The following SORCS1 variants were observed in gnomAD, a reference collection of about 807,000 sequenced individuals.
SORCS1 encodes sortilin related VPS10 domain containing receptor 1.
SORCS1 carries 60 observed loss-of-function variants against 146.1 expected under a neutral mutation model. That is an observed-to-expected ratio of 0.41 (90% CI 0.33 to 0.51). The LOEUF (loss-of-function observed/expected upper bound fraction) is 0.51, where lower values mean the gene tolerates loss of function less well. SORCS1 is among the 20% of genes least tolerant of loss of function. The probability of loss-of-function intolerance (pLI) is 0.21; values close to 1 mark genes in which losing one functional copy is unlikely to be tolerated. For synonymous variants in SORCS1, 637 were observed against 584.0 expected, an observed-to-expected ratio of 1.09 and a Z score of -1.31; for missense variants, 1,352 against 1,487.6, an observed-to-expected ratio of 0.91 and a Z score of 1.50.
At chr10:106,694,743 C>G (rs1564866962) in intron 9 of SORCS1, among the ~76,000 whole-genome samples, 1 of 152,170 alleles carries the variant, frequency 6.6e-6, no homozygotes, top group Admixed American at 6.5e-5. Context: ...TGTAACAGAA[C>G]ATGCCCTGGT....
At chr10:107,053,743 T>A (rs1960346968) in intron 1 of SORCS1, among the ~76,000 whole-genome samples, 1 of 152,188 alleles carries the variant, frequency 6.6e-6, no homozygotes. Flanking sequence ...AATAAGCAGA[T>A]GCCCTGGTGT....
Position 106,875,948 on chromosome 10 carries a change from T to C in SORCS1, c.627-46275A>G, listed in dbSNP as rs962550522. ...AGGAGTCATTTCTGGGCTTTATTTT[T>C]TCAGTTAGGAGTATAGGCTATGATC... On this transcript the variant is annotated intron_variant, in intron 2 of 25. Transcript: ENST00000263054. Among the ~76,000 whole-genome samples, 5 of 152,298 alleles carry C rather than the reference T, an allele frequency of 3.3e-5. No homozygotes were observed. The East Asian group carries it at 9.6e-4, about 29-fold the overall frequency.
rs111527406 is a variant in SORCS1, at chr10:106,992,917, T to C, written c.559-36337A>G. On this transcript the variant is annotated intron_variant, in intron 1 of 25. Coordinates refer to ENST00000263054, the MANE Select transcript of SORCS1 (RefSeq NM_052918.5). ...CGCGATCTAGGCTCACTGCAACCTC[T>C]GCCTCCCTGGTTCAAGCAACTCTCC... 2.1e-5 allele frequency among the ~76,000 whole-genome samples: 3 copies of C among 142,058 alleles called. No individual in the cohort carries two copies. The Admixed American group carries it at 2.2e-4, about 10-fold the overall frequency. 93.2% of individuals were successfully genotyped at this position (142,058 alleles called of 152,430 possible).
chr10:107,002,375 C>T (rs1957257686), intron 1 of SORCS1, among the ~76,000 whole-genome samples: 1 of 152,168 alleles, frequency 6.6e-6, no homozygotes, highest in Non-Finnish European at 1.5e-5. Context: ...CCTTTAATTA[C>T]TGTGTCAGAC....
chr10:107,075,470 G>A (rs1056646823), intron 1 of SORCS1, among the ~76,000 whole-genome samples: 1 of 152,132 alleles, frequency 6.6e-6, no homozygotes, highest in Non-Finnish European at 1.5e-5. Context: ...TCTAGGCACA[G>A]AAGATGGCAG....
In SORCS1 at chr10:106,983,183, T is replaced by C. The variant is rs562506045; in HGVS notation, c.559-26603A>G. Among the ~76,000 whole-genome samples the C allele has an allele frequency of 7.4e-3, 1,051 of 141,888 alleles. 12 individuals are homozygous for C. Among genetic ancestry groups the C allele is most frequent in the African/African-American group, 0.027 (947 of 35,330 alleles). The allele number at this position is 141,888 out of a possible 152,430, so 93.1% of individuals were successfully genotyped here. A position where few individuals can be genotyped will look rare whatever the true frequency, so the allele number is the denominator to read the frequency against. On this transcript the variant is annotated intron_variant, in intron 1 of 25. Coordinates refer to ENST00000263054, the MANE Select transcript of SORCS1 (RefSeq NM_052918.5). Reference sequence around the variant, plus strand: ...ATATTTCTATATATAAATATACATATTTCTCTATATATACATATTTCTATA... The same window carrying C: ...ATATTTCTATATATAAATATACATACTTCTCTATATATACATATTTCTATA...
intron 17 of SORCS1, among the ~76,000 whole-genome samples, chr10:106,652,951 G>A (rs755640620): frequency 9.2e-5 from 14 of 152,046 alleles, no homozygotes; most frequent in Non-Finnish European, 1.2e-4. Flanking sequence ...AATAAATATC[G>A]CAAAGGAATT....
intron 1 of SORCS1, among the ~76,000 whole-genome samples, chr10:106,969,416 T>C (rs1955658578): frequency 6.6e-6 from 1 of 152,198 alleles, no homozygotes; most frequent in Admixed American, 6.5e-5. Context: ...AAAATAATCT[T>C]AATATATCAT....
intron 2 of SORCS1, among the ~76,000 whole-genome samples, chr10:106,866,842 C>T (rs1950237042): frequency 6.6e-6 from 1 of 152,100 alleles, no homozygotes. Context: ...GAAAAGACAT[C>T]TATTGACTGT....
chr10:107,038,470 A>G (rs914926869), intron 1 of SORCS1, among the ~76,000 whole-genome samples: 11 of 152,164 alleles, frequency 7.2e-5, no homozygotes, highest in East Asian at 3.9e-4. Flanking sequence ...CAGCACACCA[A>G]CATGGCACAT....
intron 1 of SORCS1, among the ~76,000 whole-genome samples, chr10:107,117,913 T>A (rs2072514044): frequency 6.6e-6 from 1 of 152,164 alleles, no homozygotes; most frequent in Non-Finnish European, 1.5e-5. Flanking sequence ...ACTTAGACTT[T>A]ACAGTTGATG....
At chr10:106,859,560 A>C (rs1949933774) in intron 2 of SORCS1, among the ~76,000 whole-genome samples, 1 of 151,944 alleles carries the variant, frequency 6.6e-6, no homozygotes, top group Non-Finnish European at 1.5e-5. Flanking sequence ...TGCCCAGGTA[A>C]TTTTTGTATT....
rs529695000 is a variant in SORCS1 at position 106,580,777 on chromosome 10, G to A, written c.3266-1303C>T. Among the ~76,000 whole-genome samples, 86 of 152,184 alleles carry A rather than the reference G, an allele frequency of 5.7e-4. 2 individuals carry two copies. The highest frequency in any genetic ancestry group is 2.0e-3 in the African/African-American group (84 of 41,514). ...TCTACTCTTTTCAGGATTACATCTC[G>A]GCCACTCTGTATTGATACTGGGAAG... On this transcript the variant is annotated intron_variant, in intron 24 of 25. Coordinates refer to ENST00000263054, the MANE Select transcript of SORCS1 (RefSeq NM_052918.5).
chr10:106,927,661 G>A (rs1203135056), intron 2 of SORCS1, among the ~76,000 whole-genome samples: 1 of 152,178 alleles, frequency 6.6e-6, no homozygotes, highest in African/African-American at 2.4e-5. Context: ...CAATCCCTGA[G>A]CTAGACACAA....
At chr10:106,630,782 A>G (rs150088314) in intron 18 of SORCS1, among the ~76,000 whole-genome samples, 3 of 152,314 alleles carry the variant, frequency 2.0e-5, no homozygotes, top group Non-Finnish European at 4.4e-5. Context: ...TTGAAATTGT[A>G]GGATTCCAAA....
intron 4 of SORCS1, among the ~76,000 whole-genome samples, chr10:106,766,681 T>C (rs1344303819): frequency 6.6e-6 from 1 of 152,182 alleles, no homozygotes. Context: ...GAAAGAGCCA[T>C]GATGCCCAAT....
chr10:106,615,388 C>T (rs1282514106), intron 21 of SORCS1, among the ~76,000 whole-genome samples: 10 of 152,152 alleles, frequency 6.6e-5, no homozygotes, highest in Non-Finnish European at 1.5e-4. Flanking sequence ...TAAAGTTCTC[C>T]AGTATTTTCC....
chr10:106,731,121 A>G (rs1433986552), intron 5 of SORCS1, among the ~76,000 whole-genome samples: 1 of 151,184 alleles, frequency 6.6e-6, no homozygotes, highest in African/African-American at 2.4e-5. Context: ...CATCCTGGCT[A>G]ACACGGTGAA....
chr10:106,673,534 A>G (rs929600025), intron 14 of SORCS1, among the ~76,000 whole-genome samples: 1 of 152,200 alleles, frequency 6.6e-6, no homozygotes, highest in Non-Finnish European at 1.5e-5. Flanking sequence ...AACAGGCAGA[A>G]CCAGACCCAG....
Sources: gnomAD v4.1 joint callset for allele counts (sites outside exome capture counted in the v4.1 genomes callset) on GRCh38, gnomAD v4.1.1 for gene constraint, MANE v1.5 for transcripts, NCBI Gene and HGNC (gene_info 2026-07-23, HGNC 2026-07-21) for gene names.